Variants in ZNF264 observed in about 807,000 individuals in gnomAD.
ZNF264 encodes the protein zinc finger protein 264.
Under a neutral mutation model 11.2 loss-of-function variants are expected in ZNF264, and 11 were observed. The observed-to-expected ratio is 0.98, with a 90% CI of 0.62 to 1.63. ZNF264 has a LOEUF of 1.63. Ranked by LOEUF, ZNF264 falls within the 40% of genes most tolerant of loss-of-function variation. The pLI is 0.00. For synonymous variants in ZNF264, 309 were observed against 279.8 expected, an observed-to-expected ratio of 1.10 and a Z score of -1.04; for missense variants, 752 against 768.1, an observed-to-expected ratio of 0.98 and a Z score of 0.25.
chr19:57,209,702 G>A (rs369834156), intron 3 of ZNF264, among the ~76,000 whole-genome samples: 18 of 152,140 alleles, frequency 1.2e-4, no homozygotes, highest in East Asian at 7.7e-4. Flanking sequence ...TCAGCCTCCC[G>A]AGTAGTTGGG....
chr19:57,193,789 CTG>C lies in ZNF264; in HGVS notation c.34-84_34-83del, dbSNP rs1411852934. 9 of 1,569,210 alleles carry C rather than the reference CTG, an allele frequency of 5.7e-6. No individual in the cohort carries two copies. In the African/African-American group the frequency reaches 1.1e-4, roughly 19 times the overall value. On this transcript the variant is annotated intron_variant, in intron 1 of 3. Transcript: ENST00000263095. Reference sequence around the variant, plus strand: ...TGCTCTGTGATTCAGGCCGCCATCACTGTACACCTTTTCCAGTGGAGCACAGT... The same window carrying C: ...TGCTCTGTGATTCAGGCCGCCATCACTACACCTTTTCCAGTGGAGCACAGT...
chr19:57,205,541 G>T (rs750473008), intron 3 of ZNF264, 49 bp downstream of exon 3: 36 of 1,520,222 alleles, frequency 2.4e-5, no homozygotes, highest in Non-Finnish European at 3.1e-5. Flanking sequence ...GCTTAAGACT[G>T]GATGGAGACC....
chr19:57,210,525 C>T (rs1314588170), intron 3 of ZNF264, among the ~76,000 whole-genome samples: 1 of 152,162 alleles, frequency 6.6e-6, no homozygotes, highest in Admixed American at 6.5e-5. Flanking sequence ...TTCAGGAACT[C>T]GCTGTGCCCC....
rs2087192729 is a variant in ZNF264 at position 57,193,808 on chromosome 19, G to C, written c.34-67G>C. 3.1e-6 allele frequency: 5 copies of C among 1,592,234 alleles called. No individual in the cohort carries two copies. In the South Asian group the frequency reaches 5.8e-5, roughly 18 times the overall value. On this transcript the variant is annotated intron_variant, in intron 1 of 3. Coordinates refer to ENST00000263095, the MANE Select transcript of ZNF264 (RefSeq NM_003417.5). ...CCATCACTGTACACCTTTTCCAGTG[G>C]AGCACAGTCTGTGATCTCATTCAGC...
chr19:57,198,640 C>T (rs2087229760), intron 2 of ZNF264, among the ~76,000 whole-genome samples: 1 of 151,798 alleles, frequency 6.6e-6, no homozygotes, highest in South Asian at 2.1e-4. Context: ...AAACTCCTGA[C>T]CTCCATAAGC....
chr19:57,204,953 C>T (rs1216459406), intron 2 of ZNF264, among the ~76,000 whole-genome samples: 1 of 152,136 alleles, frequency 6.6e-6, no homozygotes, highest in African/African-American at 2.4e-5. Context: ...CTTCCTGATC[C>T]TGGGTTTCTT....
rs2087406391 is a variant in ZNF264, at chr19:57,220,031, ATGTTGTTTCCTTCAT to A, written c.*7052_*7066del. On this transcript the variant is annotated 3_prime_UTR_variant, in exon 4 of 4. Coordinates refer to ENST00000263095, the MANE Select transcript of ZNF264 (RefSeq NM_003417.5). ...TTACAGCATCTGTGTGTGGTAGGTA[ATGTTGTTTCCTTCAT>A]TTTGCAGAGCAGAATATAGATAGGC... is the stretch of plus-strand genomic sequence containing the variant. 6.6e-6 allele frequency: 1 copy of A among 152,216 alleles called. No homozygotes were observed. Among genetic ancestry groups the A allele is most frequent in the Non-Finnish European group, 1.5e-5 (1 of 68,036 alleles). 9.4% of individuals were successfully genotyped at this position (152,216 alleles called of 1,614,324 possible). A position where few individuals can be genotyped will look rare whatever the true frequency, so the allele number is the denominator to read the frequency against.
chr19:57,193,470 G>A, intron 1 of ZNF264: 3 of 985,292 alleles, frequency 3.0e-6, no homozygotes, highest in Non-Finnish European at 3.6e-6. Context: ...GGAACTTCTA[G>A]TCACTGTGTT....
At chr19:57,205,577 C>A in intron 3 of ZNF264, 85 bp downstream of exon 3, 2 of 1,241,270 alleles carry the variant, frequency 1.6e-6, no homozygotes, top group Non-Finnish European at 2.3e-6. Context: ...TCTTGGGAAG[C>A]TTCTCATTGT....
chr19:57,192,205 G>A, intron 1 of ZNF264: 1 of 452,018 alleles, frequency 2.2e-6, no homozygotes, highest in Non-Finnish European at 2.9e-6. Flanking sequence ...ATTCTCTGGT[G>A]GACCAGGTCT....
Position 57,203,202 on chromosome 19 carries a change from G to A in ZNF264, c.161-2195G>A, listed in dbSNP as rs2087266161. 2.0e-5 allele frequency among the ~76,000 whole-genome samples: 3 copies of A among 152,264 alleles called. No individual in the cohort carries two copies. In the South Asian group the frequency reaches 6.2e-4, roughly 32 times the overall value. ...ATTTCAGTGAGGTTTGGGGCATAGG[G>A]ACTATCTCTAGTTGTCTGGCACTTG... On this transcript the variant is annotated intron_variant, in intron 2 of 3. Coordinates refer to ENST00000263095, the MANE Select transcript of ZNF264 (RefSeq NM_003417.5).
In ZNF264 at chr19:57,202,313, T is replaced by C. The variant is rs370816103; in HGVS notation, c.161-3084T>C. Among the ~76,000 whole-genome samples, 4 of 151,920 alleles carry C rather than the reference T, an allele frequency of 2.6e-5. No homozygotes were observed. In the East Asian group the frequency reaches 5.8e-4, roughly 22 times the overall value. ...TGAAAGAAGAATTCATTATTTACAA[T>C]TCGTGAAAGAAGAGGGCATATGCTG... is the stretch of plus-strand genomic sequence containing the variant. On this transcript the variant is annotated intron_variant, in intron 2 of 3. Coordinates refer to ENST00000263095, the MANE Select transcript of ZNF264 (RefSeq NM_003417.5).
At chr19:57,210,001 G>C (rs1342164169) in intron 3 of ZNF264, among the ~76,000 whole-genome samples, 1 of 152,064 alleles carries the variant, frequency 6.6e-6, no homozygotes, top group African/African-American at 2.4e-5. Flanking sequence ...TGTCAAGCCA[G>C]GTCCTCTTAC....
rs147185766 is a variant in ZNF264, at chr19:57,197,785, G to A, written c.160+3784G>A. On this transcript the variant is annotated intron_variant, in intron 2 of 3. Coordinates refer to ENST00000263095, the MANE Select transcript of ZNF264 (RefSeq NM_003417.5). ...CAGCAACTTACTCTTCACCTTAGAA[G>A]GCATATCTTGACAGGCCACACACCA... Among the ~76,000 whole-genome samples, 933 of 152,056 alleles carry A rather than the reference G, an allele frequency of 6.1e-3. 5 individuals are homozygous for A. The highest frequency in any genetic ancestry group is 0.011 in the Non-Finnish European group (740 of 68,034).
At position 57,211,357 on chromosome 19, in the gene ZNF264, A is replaced by G. The variant is rs774141662; in HGVS notation, c.260A>G (p.Asp87Gly). ...EDLSQDTCPG[D>G]KGKPKTTEPT... ...TTGTGTGCTGGATTTCTTTCAGGCG[A>G]CAAAGGAAAACCTAAGACCACAGAA... The change falls in exon 4 of 4, where the codon GAC becomes GGC. Residue 87 changes from aspartate to glycine, a missense_variant. Asp to Gly is a moderately conservative substitution (Grantham distance 94, BLOSUM62 -1). Coordinates refer to ENST00000263095, the MANE Select transcript of ZNF264 (RefSeq NM_003417.5). 1.3e-5 allele frequency: 21 copies of G among 1,591,632 alleles called. No homozygotes were observed. Among genetic ancestry groups the G allele is most frequent in the Non-Finnish European group, 1.7e-5 (20 of 1,167,342 alleles).
At chr19:57,192,617 C>G in intron 1 of ZNF264, 1 of 970,246 alleles carries the variant, frequency 1.0e-6, no homozygotes, top group Non-Finnish European at 1.2e-6. Context: ...CCAGGGAGAT[C>G]CCAGAGGGCA....
intron 2 of ZNF264, among the ~76,000 whole-genome samples, chr19:57,194,393 A>G (rs2087197216): frequency 6.6e-6 from 1 of 152,180 alleles, no homozygotes; most frequent in Non-Finnish European, 1.5e-5. Flanking sequence ...GTTCAAGACA[A>G]GAGTGGCCAC....
At chr19:57,193,728 C>T in intron 1 of ZNF264, 147 bp from the exon 2 acceptor site, 5 of 1,228,244 alleles carry the variant, frequency 4.1e-6, no homozygotes, top group Admixed American at 5.0e-5. Flanking sequence ...TCTATCTTCC[C>T]TCTTGAGCCC....
intron 2 of ZNF264, among the ~76,000 whole-genome samples, chr19:57,197,160 G>A (rs549445776): frequency 2.6e-5 from 4 of 151,986 alleles, no homozygotes; most frequent in South Asian, 2.1e-4. Context: ...AAGGTGGGGT[G>A]GCAGGAGTGG....
Sources: gnomAD v4.1 joint callset for allele counts (sites outside exome capture counted in the v4.1 genomes callset) on GRCh38, gnomAD v4.1.1 for gene constraint, MANE v1.5 for transcripts, NCBI Gene and HGNC (gene_info 2026-07-23, HGNC 2026-07-21) for gene names.